The following ZSWIM4 variants were observed in gnomAD, a reference collection of about 807,000 sequenced individuals.
ZSWIM4 encodes the protein zinc finger SWIM domain-containing protein 4.
In ZSWIM4, 62 loss-of-function variants were observed where a neutral mutation model predicts 102.5. The observed-to-expected ratio is 0.60, with a 90% CI of 0.49 to 0.75. The LOEUF (loss-of-function observed/expected upper bound fraction) is 0.75, where lower values mean the gene tolerates loss of function less well. ZSWIM4 is among the 30% of genes least tolerant of loss of function. ZSWIM4 has a pLI of 0.00. For missense variants in ZSWIM4, 1,280 were observed against 1,529.6 expected, an observed-to-expected ratio of 0.84 and a Z score of 2.72; for synonymous variants, 652 against 674.5, an observed-to-expected ratio of 0.97 and a Z score of 0.52.
chr19:13,826,507 T>A (rs1975615163), intron 12 of ZSWIM4, among the ~76,000 whole-genome samples: 1 of 151,840 alleles, frequency 6.6e-6, no homozygotes, highest in Non-Finnish European at 1.5e-5. Context: ...GTGGCTCACA[T>A]CTGTAATCCC....
At chr19:13,797,702 G>A (rs978982576) in intron 1 of ZSWIM4, among the ~76,000 whole-genome samples, 1 of 152,136 alleles carries the variant, frequency 6.6e-6, no homozygotes, top group Non-Finnish European at 1.5e-5. Flanking sequence ...GCCAAGGCTG[G>A]AGTGCAGTGG....
intron 13 of ZSWIM4, among the ~76,000 whole-genome samples, chr19:13,829,958 T>G (rs1180767449): frequency 6.6e-6 from 1 of 152,134 alleles, no homozygotes; most frequent in African/African-American, 2.4e-5. Flanking sequence ...CTGGCCAGGC[T>G]AATGTGGCTG....
chr19:13,795,771 G>GCGGGTAGCCGAGAGCTGGGCCTT lies in ZSWIM4; in HGVS notation c.126_148dup (p.Glu50GlyfsTer2). 1.0e-5 allele frequency: 13 copies of GCGGGTAGCCGAGAGCTGGGCCTT among 1,249,032 alleles called. No individual in the cohort carries two copies. Among genetic ancestry groups the GCGGGTAGCCGAGAGCTGGGCCTT allele is most frequent in the Non-Finnish European group, 1.3e-5 (13 of 996,240 alleles). The allele number at this position is 1,249,032 out of a possible 1,614,324, so 77.4% of individuals were successfully genotyped here. On this transcript the variant is annotated frameshift_variant, in exon 1 of 14. Transcript: ENST00000590508. LOFTEE classifies it high-confidence loss of function. Reference sequence around the variant, plus strand: ...AGGCGCTGCTGGACCTCAGCGCCAAGCGGGTAGCCGAGAGCTGGGCCTTCG... The same window carrying GCGGGTAGCCGAGAGCTGGGCCTT: ...AGGCGCTGCTGGACCTCAGCGCCAAGCGGGTAGCCGAGAGCTGGGCCTTCGGGTAGCCGAGAGCTGGGCCTTCG...
chr19:13,799,981 A>C, intron 2 of ZSWIM4, 60 bp downstream of exon 2: 1 of 1,531,490 alleles, frequency 6.5e-7, no homozygotes, highest in Non-Finnish European at 8.8e-7. Flanking sequence ...AGGCCTGGAA[A>C]TGGGGGAGTT....
chr19:13,813,675 C>T (rs1394833331), intron 6 of ZSWIM4, among the ~76,000 whole-genome samples: 1 of 151,870 alleles, frequency 6.6e-6, no homozygotes, highest in Non-Finnish European at 1.5e-5. Context: ...AATCCCAGCA[C>T]TTTGGGAAGC....
chr19:13,808,795 TCCAGCC>T, intron 3 of ZSWIM4, 35 bp from the exon 4 acceptor site: 1 of 1,121,598 alleles, frequency 8.9e-7, no homozygotes, highest in Non-Finnish European at 1.2e-6. Context: ...CAACCCCAAC[TCCAGCC>T]CCAGCCTCAG....
Position 13,831,429 on chromosome 19 carries a change from A to C in ZSWIM4, c.*379A>C. 1 of 174,800 alleles carries C rather than the reference A, an allele frequency of 5.7e-6. No individual in the cohort carries two copies. Among genetic ancestry groups the C allele is most frequent in the Non-Finnish European group, 1.2e-5 (1 of 83,438 alleles). The allele number at this position is 174,800 out of a possible 1,614,324, so 10.8% of individuals were successfully genotyped here. A position where few individuals can be genotyped will look rare whatever the true frequency, so the allele number is the denominator to read the frequency against. On this transcript the variant is annotated 3_prime_UTR_variant, in exon 14 of 14. Transcript: ENST00000590508. ...TCGACCCTCTAAGTCAATGTAGCAC[A>C]TTTTCCCCCAACCCCACCCTGGGTG...
At chr19:13,796,496 C>T (rs1290245021) in intron 1 of ZSWIM4, 1 of 152,424 alleles carries the variant, frequency 6.6e-6, no homozygotes, top group East Asian at 1.9e-4. Flanking sequence ...TTGGGGACCC[C>T]TCTCTACTCC....
chr19:13,813,300 C>A, intron 6 of ZSWIM4, 136 bp downstream of exon 6: 1 of 744,302 alleles, frequency 1.3e-6, no homozygotes, highest in Non-Finnish European at 2.1e-6. Flanking sequence ...CTTGGCTGTT[C>A]TTCCAGGACT....
chr19:13,812,960 T>A, intron 5 of ZSWIM4, 37 bp from the exon 6 acceptor site: 1 of 1,566,156 alleles, frequency 6.4e-7, no homozygotes, highest in Non-Finnish European at 8.7e-7. Context: ...GCTGCCACTG[T>A]TGGCAGGAAT....
intron 9 of ZSWIM4, among the ~76,000 whole-genome samples, chr19:13,818,584 C>T (rs933834956): frequency 6.6e-6 from 1 of 152,030 alleles, no homozygotes; most frequent in Non-Finnish European, 1.5e-5. Context: ...TTTTATTTTG[C>T]GACAGTCTTC....
chr19:13,810,835 C>T (rs1214588861), intron 5 of ZSWIM4, among the ~76,000 whole-genome samples: 1 of 150,212 alleles, frequency 6.7e-6, no homozygotes, highest in African/African-American at 2.5e-5. Flanking sequence ...TGGTCTCGAT[C>T]CCCTGACCTC....
At chr19:13,798,660 C>G (rs1421980078) in intron 1 of ZSWIM4, among the ~76,000 whole-genome samples, 1 of 152,200 alleles carries the variant, frequency 6.6e-6, no homozygotes, top group Non-Finnish European at 1.5e-5. Context: ...CTCCACAATC[C>G]TCAAGAGGTT....
intron 2 of ZSWIM4, among the ~76,000 whole-genome samples, chr19:13,800,853 G>C (rs901677165): frequency 6.6e-6 from 1 of 152,148 alleles, no homozygotes; most frequent in African/African-American, 2.4e-5. Context: ...ATGTAAAGGA[G>C]GGGTGAGGCC....
chr19:13,802,246 G>T (rs914009502), intron 2 of ZSWIM4, among the ~76,000 whole-genome samples: 64 of 150,702 alleles, frequency 4.2e-4, no homozygotes, highest in Non-Finnish European at 8.7e-4. Flanking sequence ...ACAGTGCTGG[G>T]ATTACAGGCA....
At chr19:13,827,371 G>A (rs1240750164) in intron 12 of ZSWIM4, among the ~76,000 whole-genome samples, 2 of 151,350 alleles carry the variant, frequency 1.3e-5, no homozygotes, top group Admixed American at 6.6e-5. Context: ...TTGGGAGGCC[G>A]ATGCGGATCG....
intron 12 of ZSWIM4, among the ~76,000 whole-genome samples, chr19:13,826,960 G>A (rs553480606): frequency 6.6e-6 from 1 of 152,128 alleles, no homozygotes; most frequent in East Asian, 1.9e-4. Flanking sequence ...AAGGGGCGGG[G>A]CCTCAAAGGG....
intron 2 of ZSWIM4, among the ~76,000 whole-genome samples, chr19:13,804,053 A>G (rs1974846869): frequency 6.6e-6 from 1 of 150,974 alleles, no homozygotes; most frequent in Non-Finnish European, 1.5e-5. Context: ...TAGTAGAGAC[A>G]GGGTTTCACC....
chr19:13,804,083 T>G (rs1439317947), intron 2 of ZSWIM4, among the ~76,000 whole-genome samples: 3 of 151,486 alleles, frequency 2.0e-5, no homozygotes, highest in Admixed American at 2.0e-4. Flanking sequence ...ATGCTGGTCT[T>G]GAACTCCGGA....
Sources: gnomAD v4.1 joint callset for allele counts (sites outside exome capture counted in the v4.1 genomes callset) on GRCh38, gnomAD v4.1.1 for gene constraint, MANE v1.5 for transcripts, NCBI Gene and HGNC (gene_info 2026-07-23, HGNC 2026-07-21) for gene names.